Variants in SOCS4 observed in about 807,000 individuals in gnomAD.
SOCS4 encodes the protein SH2 domain containing SOCS box protein.
Under a neutral mutation model 34.1 loss-of-function variants are expected in SOCS4, and 20 were observed. The observed-to-expected ratio is 0.59, with a 90% confidence interval of 0.41 to 0.85. The LOEUF (loss-of-function observed/expected upper bound fraction) is 0.85. SOCS4 is among the 40% of genes least tolerant of loss of function. The pLI, the probability that SOCS4 is intolerant of heterozygous loss-of-function variation, is 0.00. For missense variants in SOCS4, 479 were observed against 532.4 expected, an observed-to-expected ratio of 0.90 and a Z score of 0.99; for synonymous variants, 180 against 186.4, an observed-to-expected ratio of 0.97 and a Z score of 0.28.
intron 2 of SOCS4, among the ~76,000 whole-genome samples, chr14:55,041,218 A>G (rs1360308209): frequency 6.6e-6 from 1 of 152,112 alleles, no homozygotes; most frequent in African/African-American, 2.4e-5. Context: ...GCAAGTCTTT[A>G]TTATTAGTTC....
chr14:55,044,477 T>A lies in SOCS4; in HGVS notation c.*113T>A, dbSNP rs1194732919. 1.3e-6 allele frequency: 1 copy of A among 769,130 alleles called. No individual in the cohort carries two copies. Among genetic ancestry groups the A allele is most frequent in the Non-Finnish European group, 1.8e-6 (1 of 550,058 alleles). The allele number at this position is 769,130 out of a possible 1,614,324, so 47.6% of individuals were successfully genotyped here. ...AAAGGCAGTGGTGTCCAAAATAAAA[T>A]CTCTGCCCTAAATTTTACTAATAAA... On this transcript the variant is annotated 3_prime_UTR_variant, in exon 3 of 3. Coordinates refer to ENST00000555846, the MANE Select transcript of SOCS4 (RefSeq NM_199421.2).
rs1366623970 is a variant in SOCS4, at chr14:55,044,402, T to C, written c.*38T>C. ...AACATGGGAATGATAATATATATTT[T>C]TTCTTTTAATATTTTATTTTTCTTT... On this transcript the variant is annotated 3_prime_UTR_variant, in exon 3 of 3. Coordinates refer to ENST00000555846, the MANE Select transcript of SOCS4 (RefSeq NM_199421.2). The C allele has an allele frequency of 6.1e-6, 8 of 1,309,504 alleles. No homozygotes were observed. In the East Asian group the frequency reaches 1.2e-4, roughly 19 times the overall value. The allele number at this position is 1,309,504 out of a possible 1,614,324, so 81.1% of individuals were successfully genotyped here.
chr14:55,038,198 A>G (rs2042589453), intron 2 of SOCS4, among the ~76,000 whole-genome samples: 1 of 152,208 alleles, frequency 6.6e-6, no homozygotes, highest in Non-Finnish European at 1.5e-5. Context: ...AGTATGGGGG[A>G]AACTGCCCTC....
chr14:55,043,170 TGA>T lies in SOCS4; in HGVS notation c.133_134del (p.Ser45LeufsTer5). 1 of 1,613,658 alleles carries T rather than the reference TGA, an allele frequency of 6.2e-7. No individual in the cohort carries two copies. Among genetic ancestry groups the T allele is most frequent in the Non-Finnish European group, 8.5e-7 (1 of 1,179,914 alleles). On this transcript the variant is annotated frameshift_variant, in exon 3 of 3. Coordinates refer to ENST00000555846, the MANE Select transcript of SOCS4 (RefSeq NM_199421.2). LOFTEE classifies it high-confidence loss of function. ...AGAAGTTATCTTGGTCAAAAAAGAG[TGA>T]GAGTTATTCAGATGCTGAGACAGTG... ...GKKLSWSKKS[E>X]SYSDAETVNG... is the part of the protein sequence containing the mutation.
At position 55,045,044 on chromosome 14, in the gene SOCS4, T is replaced by C. The variant is rs900534446; in HGVS notation, c.*680T>C. The C allele has an allele frequency of 1.2e-5, 2 of 167,198 alleles. No homozygotes were observed. Among genetic ancestry groups the C allele is most frequent in the African/African-American group, 4.8e-5 (2 of 41,588 alleles). 10.4% of individuals were successfully genotyped at this position (167,198 alleles called of 1,614,324 possible). A position where few individuals can be genotyped will look rare whatever the true frequency, so the allele number is the denominator to read the frequency against. The stretch of plus-strand genomic sequence containing the variant: ...AGAATCAAATGGAAACATATCATTC[T>C]GGAGGTGCACTTACTCTTCTACAAT... On this transcript the variant is annotated 3_prime_UTR_variant, in exon 3 of 3. Transcript: ENST00000555846.
Position 55,044,389 on chromosome 14 carries a change from A to C in SOCS4, c.*25A>C. The stretch of plus-strand genomic sequence containing the variant: ...GTAACAGGATGGGAACATGGGAATG[A>C]TAATATATATTTTTTCTTTTAATAT... On this transcript the variant is annotated 3_prime_UTR_variant, in exon 3 of 3. Coordinates refer to ENST00000555846, the MANE Select transcript of SOCS4 (RefSeq NM_199421.2). The C allele has an allele frequency of 7.3e-7, 1 of 1,378,698 alleles. No individual in the cohort carries two copies. The highest frequency in any genetic ancestry group is 9.5e-7 in the Non-Finnish European group (1 of 1,057,518). The allele number at this position is 1,378,698 out of a possible 1,614,324, so 85.4% of individuals were successfully genotyped here. A position where few individuals can be genotyped will look rare whatever the true frequency, so the allele number is the denominator to read the frequency against.
rs142025476 is a variant in SOCS4 at position 55,043,854 on chromosome 14, C to T, written c.813C>T (p.Val271=). 2.0e-4 allele frequency: 316 copies of T among 1,614,020 alleles called. No individual in the cohort carries two copies. The highest frequency in any genetic ancestry group is 2.6e-4 in the Non-Finnish European group (305 of 1,180,028). Residue 271 remains valine, a synonymous_variant, in exon 3 of 3, where the codon GTC becomes GTT. Coordinates refer to ENST00000555846, the MANE Select transcript of SOCS4 (RefSeq NM_199421.2). ...AATACCACACGCAGATTGATTATGTCCACTGTCTTGTACCAGACCTCCTTC... is the reference window on the plus strand; with the variant it reads ...AATACCACACGCAGATTGATTATGTTCACTGTCTTGTACCAGACCTCCTTC... ...PPKYHTQIDY[V]HCLVPDLLQI...
At chr14:55,032,732 T>C (rs1470223770) in intron 2 of SOCS4, among the ~76,000 whole-genome samples, 1 of 152,106 alleles carries the variant, frequency 6.6e-6, no homozygotes, top group Non-Finnish European at 1.5e-5. Context: ...CTTTGATTTC[T>C]GTGTCACATG....
At chr14:55,030,836 CCAT>C (rs1215951604) in intron 1 of SOCS4, among the ~76,000 whole-genome samples, 2 of 152,118 alleles carry the variant, frequency 1.3e-5, no homozygotes, top group East Asian at 3.8e-4. Context: ...TTCATCTTCA[CCAT>C]GTTTATTTTC....
At position 55,043,181 on chromosome 14, in the gene SOCS4, C is replaced by T. The variant is rs376503083; in HGVS notation, c.140C>T (p.Ser47Leu). ...TGGTCAAAAAAGAGTGAGAGTTATT[C>T]AGATGCTGAGACAGTGAATGGTATA... ...LSWSKKSESY[S>L]DAETVNGIEK... Residue 47 changes from serine (S) to leucine (L), a missense_variant, in exon 3 of 3, where the codon TCA (serine) becomes TTA (leucine). Transcript: ENST00000555846. 6.2e-6 allele frequency: 10 copies of T among 1,614,092 alleles called. No homozygotes were observed. In the Admixed American group the frequency reaches 1.0e-4, roughly 16 times the overall value.
At chr14:55,042,092 TA>T (rs1299882889) in intron 2 of SOCS4, among the ~76,000 whole-genome samples, 1 of 152,112 alleles carries the variant, frequency 6.6e-6, no homozygotes, top group Non-Finnish European at 1.5e-5. Flanking sequence ...CTGGCAACCC[TA>T]AATCTTATTC....
Position 55,037,259 on chromosome 14 carries a change from C to G in SOCS4, c.-91+5268C>G, listed in dbSNP as rs1482674296. ...ACCCGGGTTCAAGCAATTCTCCTGC[C>G]TCAGCCTCCCGAGTAGCTGGGACTA... On this transcript the variant is annotated intron_variant, in intron 2 of 2. Coordinates refer to ENST00000555846, the MANE Select transcript of SOCS4 (RefSeq NM_199421.2). Among the ~76,000 whole-genome samples, 5 of 151,812 alleles carry G rather than the reference C, an allele frequency of 3.3e-5. No individual in the cohort carries two copies. The East Asian group carries it at 9.8e-4, about 30-fold the overall frequency.
rs2042703659 is a variant in SOCS4, at chr14:55,049,166, T to C, written c.*4802T>C. 1 of 166,994 alleles carries C rather than the reference T, an allele frequency of 6.0e-6. No homozygotes were observed. Among genetic ancestry groups the C allele is most frequent in the African/African-American group, 2.4e-5 (1 of 41,462 alleles). 10.3% of individuals were successfully genotyped at this position (166,994 alleles called of 1,614,324 possible). On this transcript the variant is annotated 3_prime_UTR_variant, in exon 3 of 3. Coordinates refer to ENST00000555846, the MANE Select transcript of SOCS4 (RefSeq NM_199421.2). Reference sequence around the variant, plus strand: ...ATAATCACTTTTGCCATGGTTATAATCAAATCTAAGCTTTCAGACTTGAGA... The same window carrying C: ...ATAATCACTTTTGCCATGGTTATAACCAAATCTAAGCTTTCAGACTTGAGA...
At chr14:55,039,944 A>C (rs1349502708) in intron 2 of SOCS4, among the ~76,000 whole-genome samples, 2 of 152,214 alleles carry the variant, frequency 1.3e-5, no homozygotes, top group Non-Finnish European at 2.9e-5. Context: ...TAGCTCTCAT[A>C]TGGAAGTGAA....
At chr14:55,029,126 A>T (rs866482954) in intron 1 of SOCS4, among the ~76,000 whole-genome samples, 11 of 152,218 alleles carry the variant, frequency 7.2e-5, no homozygotes, top group African/African-American at 2.7e-4. Flanking sequence ...AAATGGCTAC[A>T]AATTGTAATA....
rs1053508279 is a variant in SOCS4, at chr14:55,048,516, A to T, written c.*4152A>T. On this transcript the variant is annotated 3_prime_UTR_variant, in exon 3 of 3. Coordinates refer to ENST00000555846, the MANE Select transcript of SOCS4 (RefSeq NM_199421.2). ...TTTACATTTGTAATTTAAGGAAAGA[A>T]CAGAAAGCACAAAGGTTTTTCTTTT... 1 of 166,980 alleles carries T rather than the reference A, an allele frequency of 6.0e-6. No homozygotes were observed. The highest frequency in any genetic ancestry group is 1.5e-5 in the Non-Finnish European group (1 of 68,126). 10.3% of individuals were successfully genotyped at this position (166,980 alleles called of 1,614,324 possible).
chr14:55,046,489 A>ATATATAGTTATGTTGTCTTTTATAGTGTT lies in SOCS4; in HGVS notation c.*2126_*2154dup, dbSNP rs535318893. Reference sequence around the variant, plus strand: ...AGGGGTAGTTTTATAAAGAAAAATGATATATAGTTATGTTGTCTTTTATAG... The same window carrying ATATATAGTTATGTTGTCTTTTATAGTGTT: ...AGGGGTAGTTTTATAAAGAAAAATGATATATAGTTATGTTGTCTTTTATAGTGTTTATATAGTTATGTTGTCTTTTATAG... On this transcript the variant is annotated 3_prime_UTR_variant, in exon 3 of 3. Transcript: ENST00000555846. 1.5e-3 allele frequency: 257 copies of ATATATAGTTATGTTGTCTTTTATAGTGTT among 167,120 alleles called. 1 individual carries two copies. Among genetic ancestry groups the ATATATAGTTATGTTGTCTTTTATAGTGTT allele is most frequent in the South Asian group, 3.9e-3 (19 of 4,828 alleles). The allele number at this position is 167,120 out of a possible 1,614,324, so 10.4% of individuals were successfully genotyped here.
chr14:55,029,201 G>A (rs1435844162), intron 1 of SOCS4, among the ~76,000 whole-genome samples: 3 of 152,222 alleles, frequency 2.0e-5, no homozygotes, highest in Admixed American at 6.5e-5. Flanking sequence ...CAAGATGATA[G>A]TGCAGTAATG....
rs990755845 is a variant in SOCS4, at chr14:55,048,071, C to T, written c.*3707C>T. 6.2e-6 allele frequency: 1 copy of T among 162,338 alleles called. No homozygotes were observed. 10.1% of individuals were successfully genotyped at this position (162,338 alleles called of 1,614,324 possible). On this transcript the variant is annotated 3_prime_UTR_variant, in exon 3 of 3. Transcript: ENST00000555846. The stretch of plus-strand genomic sequence containing the variant: ...AAGTAGCTGAGATGACAGGCGTGTG[C>T]CACCACGCCCAGCTAATTTTTGTAT...
Sources: allele counts gnomAD v4.1 joint callset (sites outside exome capture counted in the v4.1 genomes callset), GRCh38; gene constraint gnomAD v4.1.1; transcripts MANE v1.5; gene names NCBI Gene and HGNC (gene_info 2026-07-23, HGNC 2026-07-21).